Variants in OR8J3 observed in about 807,000 individuals in gnomAD.
OR8J3 encodes the protein olfactory receptor 8J3.
For synonymous variants in OR8J3, 170 were observed against 142.6 expected (o/e 1.19, Z -1.37); for missense variants, 418 against 379.8 (o/e 1.10, Z -0.84).
rs1334652547 is a variant in OR8J3, at chr11:56,137,404, C to T, written c.315G>A (p.Leu105=). Residue 105 remains leucine, a synonymous_variant, in exon 2 of 2, where the codon TTG becomes TTA. Transcript: ENST00000642058. ...TCATTACCTCCGATACAATAAAGAA[C>T]AAGAACCCTCCCAGTTGGGTGGCAC... ...YECATQLGGF[L]FFIVSEVMML... 6.2e-7 allele frequency: 1 copy of T among 1,614,118 alleles called. No individual in the cohort carries two copies. The highest frequency in any genetic ancestry group is 1.7e-5 in the Admixed American group (1 of 60,020).
chr11:56,139,607 G>A (rs1854369949), intron 1 of OR8J3, among the ~76,000 whole-genome samples: 1 of 152,168 alleles, frequency 6.6e-6, no homozygotes, highest in African/African-American at 2.4e-5. Context: ...CTGTTAAGAA[G>A]GCATATAAAC....
At position 56,137,515 on chromosome 11, in the gene OR8J3, G is replaced by C. The variant is rs754855174; in HGVS notation, c.204C>G (p.Ile68Met). ...PMYFFLRHLA[I>M]INLGNSTVIA... ...TGACAGTAGAGTTGCCAAGATTGAT[G>C]ATAGCTAGATGTCTCAGGAAAAAGT... is the stretch of plus-strand genomic sequence containing the variant. The change falls in exon 2 of 2, where the codon ATC becomes ATG. Residue 68 changes from isoleucine to methionine, a missense_variant. By Grantham distance (10) the Ile-to-Met change is conservative. Coordinates refer to ENST00000642058, the MANE Select transcript of OR8J3 (RefSeq NM_001004064.2). 1 of 1,614,216 alleles carries C rather than the reference G, an allele frequency of 6.2e-7. No individual in the cohort carries two copies. Among genetic ancestry groups the C allele is most frequent in the African/African-American group, 1.3e-5 (1 of 75,052 alleles).
chr11:56,136,027 TA>T lies in OR8J3; in HGVS notation c.*743del, dbSNP rs1854327091. Reference sequence around the variant, plus strand: ...CCCATGAACAAGTTTTTTTAAAGTTTATTAATATACAAAAATAGAACATTTG... The same window carrying T: ...CCCATGAACAAGTTTTTTTAAAGTTTTTAATATACAAAAATAGAACATTTG... On this transcript the variant is annotated 3_prime_UTR_variant, in exon 2 of 2. Transcript: ENST00000642058. 1 of 152,028 alleles carries T rather than the reference TA, an allele frequency of 6.6e-6. No individual in the cohort carries two copies. The highest frequency in any genetic ancestry group is 1.5e-5 in the Non-Finnish European group (1 of 67,920). The allele number at this position is 152,028 out of a possible 1,614,324, so 9.4% of individuals were successfully genotyped here. A position where few individuals can be genotyped will look rare whatever the true frequency, so the allele number is the denominator to read the frequency against.
chr11:56,140,058 T>C lies in OR8J3; in HGVS notation c.-780+115A>G, dbSNP rs185854080. 2.0e-5 allele frequency: 3 copies of C among 152,382 alleles called. No individual in the cohort carries two copies. The East Asian group carries it at 5.8e-4, about 29-fold the overall frequency. 9.4% of individuals were successfully genotyped at this position (152,382 alleles called of 1,614,324 possible). ...GCATGAAACATTAAGTTAATAGCCC[T>C]ATATTGCAAGGGAGGAAATAGTTTT... On this transcript the variant is annotated intron_variant, in intron 1 of 1. Coordinates refer to ENST00000642058, the MANE Select transcript of OR8J3 (RefSeq NM_001004064.2).
Position 56,137,352 on chromosome 11 carries a change from A to G in OR8J3, c.367T>C (p.Tyr123His), listed in dbSNP as rs11227321. The G allele has an allele frequency of 0.12, 195,530 of 1,614,016 alleles. 12,730 individuals carry two copies. The highest frequency in any genetic ancestry group is 0.15 in the East Asian group (6,670 of 44,868). Residue 123 changes from tyrosine to histidine, a missense_variant, in exon 2 of 2, where the codon TAT becomes CAT. Physicochemically the swap from Tyr to His is moderately conservative, Grantham distance 83. Coordinates refer to ENST00000642058, the MANE Select transcript of OR8J3 (RefSeq NM_001004064.2). Reference sequence around the variant, plus strand: ...AGCAGAGGGTTACAAATGGCCACATAGCGGTCATAGGCCATCACAGCCAGC... The same window carrying G: ...AGCAGAGGGTTACAAATGGCCACATGGCGGTCATAGGCCATCACAGCCAGC... The part of the protein sequence containing the change: ...MMLAVMAYDR[Y>H]VAICNPLLYM...
chr11:56,139,386 C>T (rs1270702284), intron 1 of OR8J3, among the ~76,000 whole-genome samples: 2 of 151,704 alleles, frequency 1.3e-5, no homozygotes, highest in African/African-American at 4.8e-5. Context: ...GAAATAACAC[C>T]AAAATGACTC....
intron 1 of OR8J3, among the ~76,000 whole-genome samples, chr11:56,139,681 C>A (rs994301067): frequency 2.0e-5 from 3 of 152,066 alleles, no homozygotes; most frequent in Non-Finnish European, 2.9e-5. Context: ...ACTAGGATAA[C>A]CTGGGAGAGT....
At position 56,134,770 on chromosome 11, in the gene OR8J3, T is replaced by G. The variant is rs971683926; in HGVS notation, c.*2001A>C. 3.3e-5 allele frequency: 5 copies of G among 152,048 alleles called. No homozygotes were observed. The highest frequency in any genetic ancestry group is 4.8e-5 in the African/African-American group (2 of 41,424). 9.4% of individuals were successfully genotyped at this position (152,048 alleles called of 1,614,324 possible). On this transcript the variant is annotated 3_prime_UTR_variant, in exon 2 of 2. Coordinates refer to ENST00000642058, the MANE Select transcript of OR8J3 (RefSeq NM_001004064.2). ...TTTAATATTTTTCCCTACTTTAGCA[T>G]CAAAATAAAGTCATATTTTCTGGAA...
rs779306688 is a variant in OR8J3 at position 56,137,142 on chromosome 11, A to G, written c.577T>C (p.Tyr193His). ...PLLALSCSDT[Y>H]IPETIVFISA... ...ATAAAGACTATTGTTTCTGGTATGT[A>G]AGTATCAGAGCAAGATAATGCTAAC... Residue 193 changes from tyrosine to histidine, a missense_variant, in exon 2 of 2, where the codon TAC becomes CAC. By Grantham distance (83) the Tyr-to-His change is moderately conservative. Transcript: ENST00000642058. 1 of 1,613,336 alleles carries G rather than the reference A, an allele frequency of 6.2e-7. No homozygotes were observed. Among genetic ancestry groups the G allele is most frequent in the Non-Finnish European group, 8.5e-7 (1 of 1,179,686 alleles).
In OR8J3 at chr11:56,135,336, A is replaced by C. The variant is rs891683477; in HGVS notation, c.*1435T>G. On this transcript the variant is annotated 3_prime_UTR_variant, in exon 2 of 2. Transcript: ENST00000642058. ...AATGGGAATGAATTTGGGACTGTGG[A>C]AAAGTGATTATGTTACCTCAAAAAT... 6.6e-6 allele frequency: 1 copy of C among 152,012 alleles called. No homozygotes were observed. Among genetic ancestry groups the C allele is most frequent in the Admixed American group, 6.6e-5 (1 of 15,258 alleles). The allele number at this position is 152,012 out of a possible 1,614,324, so 9.4% of individuals were successfully genotyped here.
chr11:56,135,347 T>C lies in OR8J3; in HGVS notation c.*1424A>G, dbSNP rs549885902. ...ATTTGGGACTGTGGAAAAGTGATTATGTTACCTCAAAAATCTCATCTTATG... is the reference window on the plus strand; with the variant it reads ...ATTTGGGACTGTGGAAAAGTGATTACGTTACCTCAAAAATCTCATCTTATG... On this transcript the variant is annotated 3_prime_UTR_variant, in exon 2 of 2. Transcript: ENST00000642058. The C allele has an allele frequency of 1.3e-5, 2 of 151,994 alleles. No homozygotes were observed. Among genetic ancestry groups the C allele is most frequent in the Non-Finnish European group, 2.9e-5 (2 of 67,884 alleles). The allele number at this position is 151,994 out of a possible 1,614,324, so 9.4% of individuals were successfully genotyped here.
At position 56,137,812 on chromosome 11, in the gene OR8J3, A is replaced by T; in HGVS notation, c.-94T>A. On this transcript the variant is annotated 5_prime_UTR_variant, in exon 2 of 2. Transcript: ENST00000642058. ...CTAGGATTTCCACTAGATGGCAAGG[A>T]CAATTCCTGGGTGTGATCTTCTTGT... 2 of 1,011,138 alleles carry T rather than the reference A, an allele frequency of 2.0e-6. No homozygotes were observed. The highest frequency in any genetic ancestry group is 2.9e-6 in the Non-Finnish European group (2 of 680,666). The allele number at this position is 1,011,138 out of a possible 1,614,324, so 62.6% of individuals were successfully genotyped here.
Position 56,137,543 on chromosome 11 carries a change from A to G in OR8J3, c.176T>C (p.Met59Thr), listed in dbSNP as rs1854346682. 1 of 1,614,092 alleles carries G rather than the reference A, an allele frequency of 6.2e-7. No homozygotes were observed. The highest frequency in any genetic ancestry group is 8.5e-7 in the Non-Finnish European group (1 of 1,180,056). The part of the protein sequence containing the change: ...TSVDSRLQNP[M>T]YFFLRHLAII... ...AGCTAGATGTCTCAGGAAAAAGTAC[A>G]TGGGGTTTTGAAGTCGAGAGTCAAC... Residue 59 changes from methionine (M) to threonine (T), a missense_variant, in exon 2 of 2, where the codon ATG becomes ACG. Transcript: ENST00000642058.
In OR8J3 at chr11:56,137,925, T is replaced by C. The variant is rs1207051239; in HGVS notation, c.-207A>G. Reference sequence around the variant, plus strand: ...ATCACTTGGGAGAGAGTAAAGCAAGTATGGTAAATTTAGTATGGCAAAGTA... The same window carrying C: ...ATCACTTGGGAGAGAGTAAAGCAAGCATGGTAAATTTAGTATGGCAAAGTA... On this transcript the variant is annotated 5_prime_UTR_variant, in exon 2 of 2. The change creates a new upstream start codon in the 5' untranslated region. Coordinates refer to ENST00000642058, the MANE Select transcript of OR8J3 (RefSeq NM_001004064.2). 33 of 539,468 alleles carry C rather than the reference T, an allele frequency of 6.1e-5. No individual in the cohort carries two copies. Among genetic ancestry groups the C allele is most frequent in the Non-Finnish European group, 9.7e-5 (30 of 310,140 alleles). 33.4% of individuals were successfully genotyped at this position (539,468 alleles called of 1,614,324 possible). A position where few individuals can be genotyped will look rare whatever the true frequency, so the allele number is the denominator to read the frequency against.
intron 1 of OR8J3, among the ~76,000 whole-genome samples, chr11:56,138,809 A>G (rs1057079058): frequency 1.4e-4 from 21 of 151,946 alleles, no homozygotes. Context: ...TCCTTGTGCT[A>G]AAAGTTCGTA....
rs1854350994 is a variant in OR8J3, at chr11:56,137,786, T to G, written c.-68A>C. The G allele has an allele frequency of 7.5e-7, 1 of 1,326,052 alleles. No individual in the cohort carries two copies. The allele number at this position is 1,326,052 out of a possible 1,614,324, so 82.1% of individuals were successfully genotyped here. Reference sequence around the variant, plus strand: ...GGTTATAGACGTTAAGGAATCATTTTCTAGGATTTCCACTAGATGGCAAGG... The same window carrying G: ...GGTTATAGACGTTAAGGAATCATTTGCTAGGATTTCCACTAGATGGCAAGG... On this transcript the variant is annotated 5_prime_UTR_variant, in exon 2 of 2. Coordinates refer to ENST00000642058, the MANE Select transcript of OR8J3 (RefSeq NM_001004064.2).
Position 56,137,081 on chromosome 11 carries a change from G to A in OR8J3, c.638C>T (p.Thr213Ile). ...AATNLVFSMI[T>I]VLVSYFNIVL... ...AATATTGAAATAAGATACTAGAACT[G>A]TAATCATGGAAAAAACCAAATTTGT... Residue 213 changes from threonine (T) to isoleucine (I), a missense_variant, in exon 2 of 2, where the codon ACA (threonine) becomes ATA (isoleucine). By Grantham distance (89) the Thr-to-Ile change is moderately conservative. Transcript: ENST00000642058. 1.2e-6 allele frequency: 2 copies of A among 1,613,638 alleles called. No individual in the cohort carries two copies. Among genetic ancestry groups the A allele is most frequent in the Non-Finnish European group, 1.7e-6 (2 of 1,179,904 alleles).
In OR8J3 at chr11:56,137,097, C is replaced by A. The variant is rs1384094; in HGVS notation, c.622G>T (p.Val208Phe). The A allele has an allele frequency of 7.7e-4, 1,244 of 1,613,422 alleles. 9 individuals are homozygous for A. In the African/African-American group the frequency reaches 0.013, roughly 17 times the overall value. ...IVFISAATNL[V>F]FSMITVLVSY... ...ACTAGAACTGTAATCATGGAAAAAACCAAATTTGTTGCTGCAGATATAAAG... is the reference window on the plus strand; with the variant it reads ...ACTAGAACTGTAATCATGGAAAAAAACAAATTTGTTGCTGCAGATATAAAG... The change falls in exon 2 of 2, where the codon GTT becomes TTT. Residue 208 changes from valine to phenylalanine, a missense_variant. By Grantham distance (50) the Val-to-Phe change is conservative. Transcript: ENST00000642058.
In OR8J3 at chr11:56,136,938, G is replaced by T; in HGVS notation, c.781C>A (p.Gln261Lys). ...FYGTMLFMYL[Q>K]PQTNHSLDTD... ...TCCAGTGAGTGGTTGGTTTGGGGCTGCAAATACATAAATAGCATTGTCCCA... is the reference window on the plus strand; with the variant it reads ...TCCAGTGAGTGGTTGGTTTGGGGCTTCAAATACATAAATAGCATTGTCCCA... The change falls in exon 2 of 2, where the codon CAG becomes AAG. Residue 261 changes from glutamine to lysine, a missense_variant. Gln to Lys is a moderately conservative substitution (Grantham distance 53, BLOSUM62 1). Coordinates refer to ENST00000642058, the MANE Select transcript of OR8J3 (RefSeq NM_001004064.2). The T allele has an allele frequency of 6.2e-6, 10 of 1,614,046 alleles. No individual in the cohort carries two copies. Among genetic ancestry groups the T allele is most frequent in the Non-Finnish European group, 8.5e-6 (10 of 1,179,974 alleles).
Sources: allele counts gnomAD v4.1 joint callset (sites outside exome capture counted in the v4.1 genomes callset), GRCh38; gene constraint gnomAD v4.1.1; transcripts MANE v1.5; gene names NCBI Gene and HGNC (gene_info 2026-07-23, HGNC 2026-07-21).